Variants in PCDHGA3 observed in about 807,000 individuals in gnomAD.
PCDHGA3 encodes the protein protocadherin gamma-A3.
In PCDHGA3, 40 loss-of-function variants were observed where a neutral mutation model predicts 58.5. The observed-to-expected ratio is 0.68, with a 90% confidence interval of 0.53 to 0.89. The LOEUF (loss-of-function observed/expected upper bound fraction) is 0.89, where lower values mean the gene tolerates loss of function less well. Ranked by LOEUF, PCDHGA3 falls within the 40% of genes least tolerant of loss-of-function variation. The pLI is 0.00. For synonymous variants in PCDHGA3, 530 were observed against 525.7 expected (o/e 1.01, Z -0.11); for missense variants, 1,223 against 1,195.9 (o/e 1.02, Z -0.33).
chr5:141,470,671 C>T (rs2099236433), intron 1 of PCDHGA3, among the ~76,000 whole-genome samples: 1 of 152,064 alleles, frequency 6.6e-6, no homozygotes, highest in African/African-American at 2.4e-5. Context: ...TAGGGCTCTG[C>T]TGTTACCATC....
chr5:141,405,400 T>C (rs986034251), intron 1 of PCDHGA3: 3 of 1,590,732 alleles, frequency 1.9e-6, no homozygotes, highest in Non-Finnish European at 2.6e-6. Flanking sequence ...TTTTCTTTCT[T>C]TCTTTTCTTT....
Position 141,415,740 on chromosome 5 carries a change from G to T in PCDHGA3, c.2424+69283G>T, listed in dbSNP as rs866795513. 9.4e-4 allele frequency: 585 copies of T among 624,884 alleles called. 4 individuals carry two copies. The highest frequency in any genetic ancestry group is 8.0e-3 in the African/African-American group (318 of 39,862). 38.7% of individuals were successfully genotyped at this position (624,884 alleles called of 1,614,324 possible). A position where few individuals can be genotyped will look rare whatever the true frequency, so the allele number is the denominator to read the frequency against. The stretch of plus-strand genomic sequence containing the variant: ...TGAGTAGAATTTGATGTTTATTAAG[G>T]TTTTTTTTTTTTTTTTTTTTTTTTT... On this transcript the variant is annotated intron_variant, in intron 1 of 3. Coordinates refer to ENST00000253812, the MANE Select transcript of PCDHGA3 (RefSeq NM_018916.4).
chr5:141,389,656 C>A (rs763730959), intron 1 of PCDHGA3: 18 of 1,612,420 alleles, frequency 1.1e-5, no homozygotes, highest in South Asian at 1.1e-5. Flanking sequence ...AAGGTAGTGG[C>A]GGTGGACGCA....
intron 1 of PCDHGA3, among the ~76,000 whole-genome samples, chr5:141,451,579 A>T (rs1222576609): frequency 6.6e-6 from 1 of 152,084 alleles, no homozygotes; most frequent in African/African-American, 2.4e-5. Flanking sequence ...TTATAAACCT[A>T]ATTTTGAAAG....
At position 141,345,630 on chromosome 5, in the gene PCDHGA3, A is replaced by T. The variant is rs1327978995; in HGVS notation, c.1597A>T (p.Thr533Ser). The change falls in exon 1 of 4, where the codon ACA becomes TCA. Residue 533 changes from threonine to serine, a missense_variant. By Grantham distance (58) the Thr-to-Ser change is moderately conservative (BLOSUM62 1). This residue lies in a region of PCDHGA3 where 791 missense variants were observed against 708.5 expected (regional missense o/e 1.12). Coordinates refer to ENST00000253812, the MANE Select transcript of PCDHGA3 (RefSeq NM_018916.4). ...EQFRDLKLLV[T>S]ASDSGNPPLS... ...ATTTAGAGACTTAAAGCTACTGGTG[A>T]CAGCCAGCGACAGCGGGAACCCTCC... The T allele has an allele frequency of 1.9e-6, 3 of 1,614,088 alleles. No individual in the cohort carries two copies. The highest frequency in any genetic ancestry group is 2.5e-6 in the Non-Finnish European group (3 of 1,180,056).
chr5:141,415,105 C>T (rs1472993181), intron 1 of PCDHGA3: 1 of 1,613,652 alleles, frequency 6.2e-7, no homozygotes, highest in African/African-American at 1.3e-5. Flanking sequence ...CGCGCTCAAG[C>T]AAAGCCTCGT....
At chr5:141,424,945 C>A (rs2096849463) in intron 1 of PCDHGA3, among the ~76,000 whole-genome samples, 1 of 152,186 alleles carries the variant, frequency 6.6e-6, no homozygotes, top group Admixed American at 6.5e-5. Flanking sequence ...TCTCACATCA[C>A]TTCTAGGTAT....
chr5:141,394,505 C>A (rs1366555133), intron 1 of PCDHGA3: 4 of 1,614,218 alleles, frequency 2.5e-6, no homozygotes, highest in Non-Finnish European at 3.4e-6. Context: ...AGATCCTGTA[C>A]CCCGCCCTCC....
rs1264130543 is a variant in PCDHGA3 at position 141,485,467 on chromosome 5, C to T, written c.2425-9340C>T. 2 of 1,614,112 alleles carry T rather than the reference C, an allele frequency of 1.2e-6. No homozygotes were observed. The highest frequency in any genetic ancestry group is 1.7e-6 in the Non-Finnish European group (2 of 1,180,024). On this transcript the variant is annotated intron_variant, in intron 1 of 3. Transcript: ENST00000253812. The surrounding 1 kb of genome is among the most constrained non-coding windows in gnomAD (Gnocchi z 5.7). ...TCGACCGAGAGGCACTGTGTGGGCT[C>T]AGTGCCAGCTGCATCGTGCCCCTGG... is the stretch of plus-strand genomic sequence containing the variant.
In PCDHGA3 at chr5:141,344,482, C is replaced by G; in HGVS notation, c.449C>G (p.Thr150Ser). 2 of 1,613,902 alleles carry G rather than the reference C, an allele frequency of 1.2e-6. No individual in the cohort carries two copies. The highest frequency in any genetic ancestry group is 1.7e-6 in the Non-Finnish European group (2 of 1,179,858). The change falls in exon 1 of 4, where the codon ACC (threonine) becomes AGC (serine). Residue 150 changes from threonine to serine, a missense_variant. Around this residue, in one of 3 missense-constraint regions of PCDHGA3, gnomAD observed 791 missense variants for 708.5 expected, o/e 1.12. Coordinates refer to ENST00000253812, the MANE Select transcript of PCDHGA3 (RefSeq NM_018916.4). ...IKIGELTVPG[T>S]RFPIKTAFDP... ...ATTGGTGAACTAACGGTTCCTGGAACCCGATTTCCAATTAAAACTGCTTTT... is the reference window on the plus strand; with the variant it reads ...ATTGGTGAACTAACGGTTCCTGGAAGCCGATTTCCAATTAAAACTGCTTTT...
intron 1 of PCDHGA3, among the ~76,000 whole-genome samples, chr5:141,461,046 G>A (rs984653754): frequency 6.6e-6 from 1 of 151,578 alleles, no homozygotes; most frequent in Non-Finnish European, 1.5e-5. Context: ...AGTCGATGGG[G>A]ACTTAGGTTG....
chr5:141,421,787 C>A (rs753196648), intron 1 of PCDHGA3: 1 of 1,613,812 alleles, frequency 6.2e-7, no homozygotes, highest in East Asian at 2.2e-5. Flanking sequence ...CGGGGCAGAA[C>A]GGATGGGGCC....
chr5:141,357,659 T>C (rs183766353), intron 1 of PCDHGA3: 1 of 1,605,624 alleles, frequency 6.2e-7, no homozygotes, highest in Non-Finnish European at 8.5e-7. Flanking sequence ...CACACTGAAA[T>C]ATAGACAAAG....
At chr5:141,454,311 T>G (rs755771201) in intron 1 of PCDHGA3, among the ~76,000 whole-genome samples, 6 of 152,216 alleles carry the variant, frequency 3.9e-5, no homozygotes, top group Admixed American at 2.6e-4. Context: ...TTTCAAAGCA[T>G]TGAAACCTCC....
chr5:141,395,034 G>C, intron 1 of PCDHGA3: 1 of 1,614,150 alleles, frequency 6.2e-7, no homozygotes, highest in South Asian at 1.1e-5. Flanking sequence ...CTCACATTTT[G>C]TGGGTGTTGA....
At chr5:141,456,635 A>G (rs558958846) in intron 1 of PCDHGA3, among the ~76,000 whole-genome samples, 17 of 152,194 alleles carry the variant, frequency 1.1e-4, no homozygotes, top group Non-Finnish European at 2.2e-4. Context: ...CTTCTTTACT[A>G]CAGGTGTTAA....
chr5:141,418,247 G>T, intron 1 of PCDHGA3: 1 of 1,614,032 alleles, frequency 6.2e-7, no homozygotes, highest in Non-Finnish European at 8.5e-7. Context: ...TAATGACCAC[G>T]CCCCTCAATT....
rs777873138 is a variant in PCDHGA3, at chr5:141,365,973, T to C, written c.2424+19516T>C. The stretch of plus-strand genomic sequence containing the variant: ...CCTCCACTTAGCAGCAACGTGTCGC[T>C]GAGCCTGTTTGTGCTGGACCAGAAC... On this transcript the variant is annotated intron_variant, in intron 1 of 3. Coordinates refer to ENST00000253812, the MANE Select transcript of PCDHGA3 (RefSeq NM_018916.4). The C allele has an allele frequency of 4.3e-5, 70 of 1,614,126 alleles. No individual in the cohort carries two copies. In the Admixed American group the frequency reaches 1.1e-3, roughly 27 times the overall value.
At chr5:141,420,006 GAC>G (rs745722189) in intron 1 of PCDHGA3, 1 of 1,613,936 alleles carries the variant, frequency 6.2e-7, no homozygotes, top group African/African-American at 1.3e-5. Flanking sequence ...CTACGCCTGC[GAC>G]AGTCTTTCAG....
Sources: allele counts gnomAD v4.1 joint callset (sites outside exome capture counted in the v4.1 genomes callset), GRCh38; gene constraint gnomAD v4.1.1; regional missense constraint gnomAD v4.1.1; non-coding constraint Gnocchi (gnomAD v3.1); transcripts MANE v1.5; gene names NCBI Gene and HGNC (gene_info 2026-07-23, HGNC 2026-07-21).